Variants in AGBL1 observed in about 807,000 individuals in gnomAD.
The protein encoded by AGBL1 is cytosolic carboxypeptidase 4.
Under a neutral mutation model 118.9 loss-of-function variants are expected in AGBL1, and 130 were observed. That is an observed-to-expected ratio of 1.09 (90% confidence interval 0.95 to 1.26). The LOEUF (loss-of-function observed/expected upper bound fraction) is 1.26, where lower values mean the gene tolerates loss of function less well. Among genes scored for constraint, AGBL1 ranks in the 50% most tolerant of loss-of-function variants. The probability of loss-of-function intolerance (pLI) is 0.00; values close to 1 mark genes in which losing one functional copy is unlikely to be tolerated. For missense variants in AGBL1, 1,584 were observed against 1,298.1 expected (o/e 1.22, Z -3.38); for synonymous variants, 555 against 478.9 (o/e 1.16, Z -2.08).
intron 22 of AGBL1, among the ~76,000 whole-genome samples, chr15:86,679,811 A>G (rs550467165): frequency 1.2e-4 from 19 of 152,228 alleles, no homozygotes; most frequent in South Asian, 1.2e-3. Context: ...AAAAATAACT[A>G]TTTACTTGAA....
In AGBL1 at chr15:86,907,774, A is replaced by T. The variant is rs1213391033; in HGVS notation, c.*480A>T. The T allele has an allele frequency of 2.0e-5, 3 of 152,210 alleles. No homozygotes were observed. 9.4% of individuals were successfully genotyped at this position (152,210 alleles called of 1,614,324 possible). A position where few individuals can be genotyped will look rare whatever the true frequency, so the allele number is the denominator to read the frequency against. ...TTGAGCACCCCAGAACAAACCACTG[A>T]GACTCTGGGGATCCTGGCAGGGTCT... On this transcript the variant is annotated 3_prime_UTR_variant, in exon 23 of 23. Coordinates refer to ENST00000614907, the MANE Select transcript of AGBL1 (RefSeq NM_001386094.1).
chr15:86,243,917 G>C (rs2078677037), intron 6 of AGBL1, among the ~76,000 whole-genome samples: 1 of 152,036 alleles, frequency 6.6e-6, no homozygotes, highest in Non-Finnish European at 1.5e-5. Context: ...TTATGCGGGA[G>C]GCTGAGGCAG....
chr15:86,343,557 C>A (rs930742596), intron 17 of AGBL1, among the ~76,000 whole-genome samples: 2 of 152,112 alleles, frequency 1.3e-5, no homozygotes, highest in Non-Finnish European at 2.9e-5. Flanking sequence ...AGGGAAGATG[C>A]CTCATGGTAG....
intron 22 of AGBL1, among the ~76,000 whole-genome samples, chr15:86,734,734 G>A (rs143497896): frequency 3.3e-5 from 5 of 152,198 alleles, no homozygotes; most frequent in Non-Finnish European, 5.9e-5. Flanking sequence ...CCATGATGAG[G>A]CCAGATGACT....
rs1237829876 is a variant in AGBL1, at chr15:86,225,677, T to C, written c.526+726T>C. On this transcript the variant is annotated intron_variant, in intron 6 of 22. Coordinates refer to ENST00000614907, the MANE Select transcript of AGBL1 (RefSeq NM_001386094.1). ...AGAAGTCTTAGCTTAATGTTTTTAC[T>C]CATTTTTTCCTCCTTACCTCTTCAT... Among the ~76,000 whole-genome samples, 11 of 152,298 alleles carry C rather than the reference T, an allele frequency of 7.2e-5. No homozygotes were observed. In the East Asian group the frequency reaches 1.7e-3, roughly 24 times the overall value.
chr15:86,709,021 G>C (rs2142677898), intron 22 of AGBL1, among the ~76,000 whole-genome samples: 1 of 152,132 alleles, frequency 6.6e-6, no homozygotes, highest in South Asian at 2.1e-4. Flanking sequence ...TTAACTAAAA[G>C]GTATGACTAT....
At chr15:86,383,247 TAAAAAA>T (rs4035838) in intron 17 of AGBL1, among the ~76,000 whole-genome samples, 2 of 54,476 alleles carry the variant, frequency 3.7e-5, no homozygotes, top group African/African-American at 8.1e-5. Flanking sequence ...ATTCAGTATG[TAAAAAA>T]AAAAAAAAAA....
intron 21 of AGBL1, among the ~76,000 whole-genome samples, chr15:86,557,129 A>G (rs2083746223): frequency 6.6e-6 from 1 of 152,228 alleles, no homozygotes; most frequent in African/African-American, 2.4e-5. Flanking sequence ...TTGCTAGGTC[A>G]TACACTTAGA....
chr15:86,221,685 G>T (rs1459868682), intron 5 of AGBL1, among the ~76,000 whole-genome samples: 1 of 152,074 alleles, frequency 6.6e-6, no homozygotes, highest in African/African-American at 2.4e-5. Flanking sequence ...CTCATTAGTT[G>T]ATTTCAGATG....
intron 22 of AGBL1, among the ~76,000 whole-genome samples, chr15:86,759,373 T>C (rs2077990584): frequency 6.6e-6 from 1 of 152,102 alleles, no homozygotes; most frequent in African/African-American, 2.4e-5. Context: ...CCTCTTAGTC[T>C]GTTTTCTCAC....
At chr15:86,620,766 G>C (rs1161073995) in intron 21 of AGBL1, among the ~76,000 whole-genome samples, 1 of 151,714 alleles carries the variant, frequency 6.6e-6, no homozygotes, top group Non-Finnish European at 1.5e-5. Flanking sequence ...CCAGCTATGT[G>C]ATTTTTCCAC....
chr15:86,471,938 A>G (rs763708369), intron 18 of AGBL1, among the ~76,000 whole-genome samples: 55 of 152,220 alleles, frequency 3.6e-4, no homozygotes, highest in Non-Finnish European at 4.6e-4. Context: ...AGTTTATCTG[A>G]GTAAACCATA....
chr15:86,885,151 T>G (rs2079952731), intron 22 of AGBL1, among the ~76,000 whole-genome samples: 1 of 152,144 alleles, frequency 6.6e-6, no homozygotes, highest in Non-Finnish European at 1.5e-5. Context: ...TTTGTTATGA[T>G]TCTTATAATA....
In AGBL1 at chr15:86,396,704, C is replaced by T. The variant is rs564480711; in HGVS notation, c.2375-662C>T. On this transcript the variant is annotated intron_variant, in intron 17 of 22. Transcript: ENST00000614907. Reference sequence around the variant, plus strand: ...GAGCTAACACATACTGAATGGCAGGCAATATAGTGAGTGCTTTATATTTAC... The same window carrying T: ...GAGCTAACACATACTGAATGGCAGGTAATATAGTGAGTGCTTTATATTTAC... Among the ~76,000 whole-genome samples, 4 of 152,134 alleles carry T rather than the reference C, an allele frequency of 2.6e-5. No homozygotes were observed. In the South Asian group the frequency reaches 6.2e-4, roughly 24 times the overall value.
chr15:86,977,370 T>G (rs2081186002), intron 23 of AGBL1, among the ~76,000 whole-genome samples: 1 of 151,464 alleles, frequency 6.6e-6, no homozygotes, highest in Non-Finnish European at 1.5e-5. Flanking sequence ...AGTTCCTTAT[T>G]GTTCCTTTTT....
At chr15:86,383,560 C>G (rs995953549) in intron 17 of AGBL1, among the ~76,000 whole-genome samples, 1 of 152,078 alleles carries the variant, frequency 6.6e-6, no homozygotes, top group Non-Finnish European at 1.5e-5. Flanking sequence ...GTATGCCAGC[C>G]TGGGCAACGG....
At chr15:86,090,561 G>A (rs1399797585) in intron 1 of AGBL1, among the ~76,000 whole-genome samples, 1 of 152,100 alleles carries the variant, frequency 6.6e-6, no homozygotes, top group Non-Finnish European at 1.5e-5. Flanking sequence ...CATATAGCCA[G>A]CTTAACCTTG....
At chr15:86,966,337 T>C (rs1362288374) in intron 23 of AGBL1, among the ~76,000 whole-genome samples, 1 of 151,674 alleles carries the variant, frequency 6.6e-6, no homozygotes, top group Admixed American at 6.6e-5. Flanking sequence ...TTTTTTTTAT[T>C]ATTATACTTT....
At chr15:86,385,049 C>T (rs932513432) in intron 17 of AGBL1, among the ~76,000 whole-genome samples, 13 of 152,146 alleles carry the variant, frequency 8.5e-5, no homozygotes, top group Middle Eastern at 3.4e-3. Flanking sequence ...CCGGCAGCCA[C>T]GAGCCTCCTG....
Sources: gnomAD v4.1 joint callset for allele counts (sites outside exome capture counted in the v4.1 genomes callset) on GRCh38, gnomAD v4.1.1 for gene constraint, MANE v1.5 for transcripts, NCBI Gene and HGNC (gene_info 2026-07-23, HGNC 2026-07-21) for gene names.